RNGTT: variants seen among roughly 807,000 people sequenced by gnomAD.
RNGTT encodes mRNA-capping enzyme.
RNGTT carries 33 observed loss-of-function variants against 79.3 expected under a neutral mutation model. That is an observed-to-expected ratio of 0.42 (90% CI 0.32 to 0.56). The LOEUF is 0.56. RNGTT is among the 20% of genes least tolerant of loss of function. The probability of loss-of-function intolerance (pLI) is 0.17; values close to 1 mark genes in which losing one functional copy is unlikely to be tolerated. For synonymous variants in RNGTT, 222 were observed against 235.9 expected (o/e 0.94, Z 0.54); for missense variants, 497 against 739.1 (o/e 0.67, Z 3.80).
intron 13 of RNGTT, among the ~76,000 whole-genome samples, chr6:88,747,601 T>C (rs1488014178): frequency 6.6e-6 from 1 of 152,118 alleles, no homozygotes; most frequent in Non-Finnish European, 1.5e-5. Context: ...ATCCCCGTGT[T>C]TGATGGTGAG....
chr6:88,715,116 G>A (rs2127809580), intron 13 of RNGTT, among the ~76,000 whole-genome samples: 1 of 152,284 alleles, frequency 6.6e-6, no homozygotes, highest in Non-Finnish European at 1.5e-5. Flanking sequence ...CTTCAGCAAA[G>A]TCTCAGGATA....
chr6:88,829,557 C>G (rs1011723584), intron 11 of RNGTT, among the ~76,000 whole-genome samples: 13 of 151,628 alleles, frequency 8.6e-5, no homozygotes, highest in African/African-American at 3.2e-4. Context: ...GGCTAAATGC[C>G]CCAAATAAAA....
intron 11 of RNGTT, among the ~76,000 whole-genome samples, chr6:88,804,444 A>G (rs932954048): frequency 1.3e-5 from 2 of 152,150 alleles, no homozygotes; most frequent in African/African-American, 4.8e-5. Flanking sequence ...GGAGTTCAAG[A>G]CCAACCTGGC....
At chr6:88,642,620 G>T (rs1052850885) in intron 14 of RNGTT, among the ~76,000 whole-genome samples, 8 of 152,122 alleles carry the variant, frequency 5.3e-5, no homozygotes, top group African/African-American at 1.9e-4. Flanking sequence ...AACAAAAAGG[G>T]TGGGGTTGGA....
rs148160420 is a variant in RNGTT, at chr6:88,861,201, T to C, written c.897-7437A>G. On this transcript the variant is annotated intron_variant, in intron 8 of 15. Transcript: ENST00000369485. ...AGTCCCTGAAAGCTAATTCTCAATG[T>C]TGTATTAGTATACAGAAATAAATTC... Among the ~76,000 whole-genome samples the C allele has an allele frequency of 5.0e-3, 762 of 152,326 alleles. 5 individuals are homozygous for C. The highest frequency in any genetic ancestry group is 0.017 in the African/African-American group (702 of 41,568).
intron 14 of RNGTT, among the ~76,000 whole-genome samples, chr6:88,645,311 T>C (rs915746015): frequency 2.0e-5 from 3 of 152,140 alleles, no homozygotes; most frequent in African/African-American, 4.8e-5. Context: ...GTGAAGGACC[T>C]CTTAAAGGAG....
chr6:88,879,125 G>A (rs553551564), intron 8 of RNGTT, among the ~76,000 whole-genome samples: 3 of 152,310 alleles, frequency 2.0e-5, no homozygotes, highest in Admixed American at 6.5e-5. Flanking sequence ...GACCAGGCGC[G>A]GTGGCTCATG....
At chr6:88,630,157 G>A (rs1772797869) in intron 14 of RNGTT, among the ~76,000 whole-genome samples, 1 of 152,172 alleles carries the variant, frequency 6.6e-6, no homozygotes, top group Non-Finnish European at 1.5e-5. Flanking sequence ...AAGGATGTTT[G>A]TTTTGGGGGT....
intron 8 of RNGTT, among the ~76,000 whole-genome samples, chr6:88,885,819 A>C (rs1356960980): frequency 6.6e-6 from 1 of 152,224 alleles, no homozygotes; most frequent in Non-Finnish European, 1.5e-5. Context: ...AGTTAACATC[A>C]TCACTAATAG....
intron 11 of RNGTT, among the ~76,000 whole-genome samples, chr6:88,804,831 G>A (rs1384722470): frequency 6.6e-6 from 1 of 151,990 alleles, no homozygotes; most frequent in African/African-American, 2.4e-5. Flanking sequence ...TCCTGCTGCT[G>A]TCTCTGATTT....
chr6:88,697,580 C>A (rs1254807111), intron 13 of RNGTT, among the ~76,000 whole-genome samples: 3 of 149,994 alleles, frequency 2.0e-5, no homozygotes, highest in Non-Finnish European at 4.4e-5. Context: ...AATATGAATT[C>A]TGGGCTGGGT....
intron 11 of RNGTT, among the ~76,000 whole-genome samples, chr6:88,825,922 CACAA>C (rs1295122176): frequency 6.6e-6 from 1 of 152,230 alleles, no homozygotes; most frequent in African/African-American, 2.4e-5. Context: ...AATGGTAGAA[CACAA>C]ACAAATTGAT....
At position 88,708,622 on chromosome 6, in the gene RNGTT, C is replaced by T. The variant is rs534634941; in HGVS notation, c.1440-30203G>A. ...TGGTGCTTTCTGAAATCTGTCACCACGCTGGCCTCTCAGCTCTCTGCCCGG... is the reference window on the plus strand; with the variant it reads ...TGGTGCTTTCTGAAATCTGTCACCATGCTGGCCTCTCAGCTCTCTGCCCGG... On this transcript the variant is annotated intron_variant, in intron 13 of 15. Transcript: ENST00000369485. Among the ~76,000 whole-genome samples the T allele has an allele frequency of 3.3e-5, 5 of 152,276 alleles. No homozygotes were observed. In the East Asian group the frequency reaches 5.8e-4, roughly 18 times the overall value.
intron 8 of RNGTT, among the ~76,000 whole-genome samples, chr6:88,856,771 G>C (rs1781858783): frequency 6.6e-6 from 1 of 152,082 alleles, no homozygotes; most frequent in African/African-American, 2.4e-5. Flanking sequence ...TTTCATGTAA[G>C]GAATGTGGAA....
intron 5 of RNGTT, 119 bp downstream of exon 5, chr6:88,906,246 T>C: frequency 1.6e-6 from 1 of 637,284 alleles, no homozygotes; most frequent in South Asian, 2.1e-5. Flanking sequence ...TGAAAAGCAG[T>C]TCAAATTACA....
rs372667739 is a variant in RNGTT at position 88,789,157 on chromosome 6, CA to C, written c.1338+12406del. 5.5e-3 allele frequency among the ~76,000 whole-genome samples: 837 copies of C among 152,306 alleles called. 8 individuals carry two copies. Among genetic ancestry groups the C allele is most frequent in the African/African-American group, 0.017 (726 of 41,554 alleles). On this transcript the variant is annotated intron_variant, in intron 12 of 15. Transcript: ENST00000369485. The stretch of plus-strand genomic sequence containing the variant: ...TTTCTTGGCCGGGCACGGTGACTTA[CA>C]CCTGTAATCCCAGCACTTTAGGAGG...
chr6:88,782,100 T>G (rs1779083737), intron 12 of RNGTT, among the ~76,000 whole-genome samples: 1 of 152,066 alleles, frequency 6.6e-6, no homozygotes, highest in Non-Finnish European at 1.5e-5. Context: ...CTATGCCCTT[T>G]ACACAGAATA....
intron 8 of RNGTT, among the ~76,000 whole-genome samples, chr6:88,857,654 G>A (rs559362054): frequency 3.3e-5 from 5 of 152,078 alleles, no homozygotes; most frequent in Admixed American, 2.0e-4. Flanking sequence ...TCATTAATAT[G>A]GAAAGAGATT....
At chr6:88,854,846 A>G (rs1027030766) in intron 8 of RNGTT, among the ~76,000 whole-genome samples, 2 of 152,222 alleles carry the variant, frequency 1.3e-5, no homozygotes, top group African/African-American at 4.8e-5. Context: ...CACCACATAT[A>G]AAGTCCAGAT....
Sources: allele counts gnomAD v4.1 joint callset (sites outside exome capture counted in the v4.1 genomes callset), GRCh38; gene constraint gnomAD v4.1.1; transcripts MANE v1.5; gene names NCBI Gene and HGNC (gene_info 2026-07-23, HGNC 2026-07-21).